Variants in ARHGEF11 observed in about 807,000 individuals in gnomAD.
ARHGEF11 encodes the protein Rho guanine nucleotide exchange factor 11.
ARHGEF11 carries 55 observed loss-of-function variants against 193.7 expected under a neutral mutation model. That is an observed-to-expected ratio of 0.28 (90% CI 0.23 to 0.36). The LOEUF (loss-of-function observed/expected upper bound fraction) is 0.36. ARHGEF11 is among the 10% of genes least tolerant of loss of function. The pLI is 1.00. For synonymous variants in ARHGEF11, 693 were observed against 768.0 expected (o/e 0.90, Z 1.62); for missense variants, 1,723 against 2,005.6 (o/e 0.86, Z 2.69).
intron 1 of ARHGEF11, among the ~76,000 whole-genome samples, chr1:157,039,727 G>T (rs2103086151): frequency 6.6e-6 from 1 of 152,208 alleles, no homozygotes; most frequent in South Asian, 2.1e-4. Context: ...CAATAAAAAT[G>T]AATTTTTAAA....
chr1:156,936,693 C>G, intron 40 of ARHGEF11, 123 bp downstream of exon 40: 2 of 1,137,038 alleles, frequency 1.8e-6, no homozygotes, highest in Admixed American at 2.3e-5. Context: ...AGAATGAACT[C>G]GTTTCACTCA....
intron 8 of ARHGEF11, among the ~76,000 whole-genome samples, chr1:156,971,317 G>A (rs1274814407): frequency 6.6e-6 from 1 of 152,238 alleles, no homozygotes; most frequent in East Asian, 1.9e-4. Context: ...TATAGGTGGT[G>A]GGAAAGGGTA....
intron 1 of ARHGEF11, among the ~76,000 whole-genome samples, chr1:156,988,135 C>CA (rs2102508122): frequency 6.6e-6 from 1 of 152,286 alleles, no homozygotes; most frequent in South Asian, 2.1e-4. Context: ...CCACAGCTCC[C>CA]AGTATCTGTC....
intron 25 of ARHGEF11, 63 bp from the exon 26 acceptor site, chr1:156,947,513 A>G (rs750915349): frequency 1.2e-4 from 176 of 1,492,498 alleles, no homozygotes; most frequent in Non-Finnish European, 1.5e-4. Flanking sequence ...GCAAGTATCT[A>G]GAGTCCCTGA....
In ARHGEF11 at chr1:156,946,065, C is replaced by G. The variant is rs1557833973; in HGVS notation, c.2792G>C (p.Ser931Thr). 3 of 1,613,478 alleles carry G rather than the reference C, an allele frequency of 1.9e-6. No homozygotes were observed. Among genetic ancestry groups the G allele is most frequent in the Non-Finnish European group, 2.5e-6 (3 of 1,179,800 alleles). ...RLTKYPLLLE[S>T]IIKHTEGGTS... ...GCTACCCTCTGTGTGCTTGATGATGCTCTCCAGCAGCAGCGGGTACTTGGT... is the reference window on the plus strand; with the variant it reads ...GCTACCCTCTGTGTGCTTGATGATGGTCTCCAGCAGCAGCGGGTACTTGGT... Residue 931 changes from serine to threonine, a missense_variant, in exon 29 of 41, where the codon AGC becomes ACC. Ser to Thr is a moderately conservative substitution (Grantham distance 58). Around this residue, in one of 5 missense-constraint regions of ARHGEF11, gnomAD observed 491 missense variants for 654.5 expected, o/e 0.75. Coordinates refer to ENST00000368194, the MANE Select transcript of ARHGEF11 (RefSeq NM_198236.3).
chr1:156,964,665 A>G (rs1661453487), intron 11 of ARHGEF11, among the ~76,000 whole-genome samples: 1 of 152,246 alleles, frequency 6.6e-6, no homozygotes, highest in Non-Finnish European at 1.5e-5. Context: ...AGAGTCTAAC[A>G]CTCATTTATA....
intron 1 of ARHGEF11, among the ~76,000 whole-genome samples, chr1:156,996,859 ATTTTTTTTTTT>A (rs60592654): frequency 1.1e-5 from 1 of 93,858 alleles, no homozygotes. Context: ...CTCTCTCTCT[ATTTTTTTTTTT>A]TTTTTTTTTG....
chr1:157,005,673 C>A (rs1667736149), intron 1 of ARHGEF11, among the ~76,000 whole-genome samples: 1 of 152,212 alleles, frequency 6.6e-6, no homozygotes, highest in Non-Finnish European at 1.5e-5. Context: ...CAAATTTATT[C>A]TTGTACTGCT....
At chr1:156,968,547 C>T (rs1375249907) in intron 10 of ARHGEF11, among the ~76,000 whole-genome samples, 4 of 145,160 alleles carry the variant, frequency 2.8e-5, no homozygotes, top group African/African-American at 7.8e-5. Context: ...GACTTTCCCA[C>T]ATACCGATCC....
At chr1:157,036,265 C>T (rs1672035321) in intron 1 of ARHGEF11, among the ~76,000 whole-genome samples, 2 of 149,058 alleles carry the variant, frequency 1.3e-5, no homozygotes, top group South Asian at 4.2e-4. Flanking sequence ...CTCCTCAAAC[C>T]ATGACCCAAC....
chr1:157,006,557 C>G (rs1395238397), intron 1 of ARHGEF11, among the ~76,000 whole-genome samples: 1 of 152,076 alleles, frequency 6.6e-6, no homozygotes, highest in African/African-American at 2.4e-5. Context: ...GTTCTGAGGA[C>G]AAGAAGAGAA....
In ARHGEF11 at chr1:156,936,043, A is replaced by AG. The variant is rs1443544598; in HGVS notation, c.4645dup (p.Leu1549ProfsTer34). 4 of 1,613,802 alleles carry AG rather than the reference A, an allele frequency of 2.5e-6. No individual in the cohort carries two copies. The highest frequency in any genetic ancestry group is 3.4e-6 in the Non-Finnish European group (4 of 1,179,888). On this transcript the variant is annotated frameshift_variant, in exon 41 of 41. Coordinates refer to ENST00000368194, the MANE Select transcript of ARHGEF11 (RefSeq NM_198236.3). LOFTEE classifies it low-confidence loss of function (END_TRUNC). ...GGCTGCGTCTGCTGTGCTGTCTTCCAGGGGGGCGTCAGAGCCTGTGGGAGG... is the reference window on the plus strand; with the variant it reads ...GGCTGCGTCTGCTGTGCTGTCTTCCAGGGGGGGCGTCAGAGCCTGTGGGAGG...
chr1:157,037,289 T>C (rs1042614751), intron 1 of ARHGEF11, among the ~76,000 whole-genome samples: 15 of 152,290 alleles, frequency 9.8e-5, no homozygotes, highest in African/African-American at 2.9e-4. Context: ...CAAAAACTCC[T>C]AGGCTTCCTA....
intron 1 of ARHGEF11, among the ~76,000 whole-genome samples, chr1:157,003,807 C>T (rs753253972): frequency 1.1e-4 from 16 of 152,230 alleles, no homozygotes; most frequent in Non-Finnish European, 1.5e-5. Flanking sequence ...CCTCAGGTAA[C>T]ATATTTAACC....
intron 1 of ARHGEF11, among the ~76,000 whole-genome samples, chr1:157,018,072 T>G (rs1170451715): frequency 6.6e-6 from 1 of 152,136 alleles, no homozygotes; most frequent in Non-Finnish European, 1.5e-5. Context: ...AATTGATAAT[T>G]AAATACTACC....
upstream of ARHGEF11, among the ~76,000 whole-genome samples, chr1:157,046,485 G>A (rs1277509432): frequency 6.6e-6 from 1 of 152,054 alleles, no homozygotes; most frequent in Admixed American, 6.5e-5. Context: ...TCAAACATTT[G>A]TTGCGGCCTC....
chr1:156,995,704 G>GTTT (rs386368407), intron 1 of ARHGEF11, among the ~76,000 whole-genome samples: 2 of 127,184 alleles, frequency 1.6e-5, no homozygotes, highest in Non-Finnish European at 1.7e-5. Context: ...TGCCCAGCTT[G>GTTT]TTTTTTTTTT....
intron 5 of ARHGEF11, 135 bp downstream of exon 5, chr1:156,979,094 A>G: frequency 1.3e-6 from 1 of 773,220 alleles, no homozygotes; most frequent in Non-Finnish European, 2.2e-6. Flanking sequence ...GTTACGATTA[A>G]AGATGTGACT....
intron 1 of ARHGEF11, among the ~76,000 whole-genome samples, chr1:157,004,049 G>T (rs1314399274): frequency 6.6e-6 from 1 of 152,134 alleles, no homozygotes; most frequent in Admixed American, 6.5e-5. Context: ...TGTTAGAAAA[G>T]ACACATATTC....
Sources: gnomAD v4.1 joint callset for allele counts (sites outside exome capture counted in the v4.1 genomes callset) on GRCh38, gnomAD v4.1.1 for gene constraint, gnomAD v4.1.1 regional missense constraint, MANE v1.5 for transcripts, NCBI Gene and HGNC (gene_info 2026-07-23, HGNC 2026-07-21) for gene names.